Variants in ROBO2 observed in about 807,000 individuals in gnomAD.
The protein encoded by ROBO2 is roundabout guidance receptor 2.
ROBO2 carries 53 observed loss-of-function variants against 160.8 expected under a neutral mutation model. That is an observed-to-expected ratio of 0.33 (90% CI 0.26 to 0.41). The LOEUF is 0.41. ROBO2 is among the 10% of genes least tolerant of loss of function. The pLI is 1.00. For synonymous variants in ROBO2, 664 were observed against 611.7 expected (o/e 1.09, Z -1.26); for missense variants, 1,577 against 1,722.4 (o/e 0.92, Z 1.49).
At chr3:76,688,580 G>A (rs2092732290) in intron 2 of ROBO2, among the ~76,000 whole-genome samples, 1 of 145,142 alleles carries the variant, frequency 6.9e-6, no homozygotes, top group African/African-American at 2.6e-5. Flanking sequence ...TTTTTTTGTA[G>A]ACTAGGGAGA....
At chr3:77,512,501 A>C (rs536115572) in intron 5 of ROBO2, among the ~76,000 whole-genome samples, 23 of 152,108 alleles carry the variant, frequency 1.5e-4, no homozygotes, top group Non-Finnish European at 2.9e-4. Flanking sequence ...TTCTAGATGG[A>C]TGTATCTCCA....
chr3:76,507,672 A>G (rs921035336), intron 2 of ROBO2, among the ~76,000 whole-genome samples: 1 of 152,106 alleles, frequency 6.6e-6, no homozygotes, highest in Non-Finnish European at 1.5e-5. Context: ...CAACAACCCT[A>G]CGAGATAAGT....
intron 1 of ROBO2, among the ~76,000 whole-genome samples, chr3:77,075,069 G>A (rs1441381401): frequency 6.6e-6 from 1 of 152,144 alleles, no homozygotes; most frequent in Non-Finnish European, 1.5e-5. Flanking sequence ...TCAAAAAGGT[G>A]AAGTCACTTT....
chr3:76,526,667 G>A (rs1030917678), intron 2 of ROBO2, among the ~76,000 whole-genome samples: 1 of 151,838 alleles, frequency 6.6e-6, no homozygotes, highest in African/African-American at 2.4e-5. Flanking sequence ...AATGCAGGGT[G>A]GTAAAGATAT....
At chr3:77,011,167 A>G (rs1243561970) in intron 2 of ROBO2, among the ~76,000 whole-genome samples, 4 of 114,400 alleles carry the variant, frequency 3.5e-5, no homozygotes, top group Non-Finnish European at 5.3e-5. Flanking sequence ...CCCTTCCTTC[A>G]TTCCATCCTT....
At position 77,640,573 on chromosome 3, in the gene ROBO2, C is replaced by A. The variant is rs139402884; in HGVS notation, c.3935-4131C>A. Among the ~76,000 whole-genome samples, 56 of 151,900 alleles carry A rather than the reference C, an allele frequency of 3.7e-4. 1 individual carries two copies. In the East Asian group the frequency reaches 9.7e-3, roughly 26 times the overall value. ...GCTGGAGATTTTTAATTACTTTGTG[C>A]CTTCATTTTCTTGTCTAAAAACAGA... On this transcript the variant is annotated intron_variant, in intron 24 of 25. Coordinates refer to ENST00000461745, the Ensembl canonical transcript of ROBO2.
At chr3:76,925,408 C>G (rs1176550891) in intron 2 of ROBO2, among the ~76,000 whole-genome samples, 1 of 152,050 alleles carries the variant, frequency 6.6e-6, no homozygotes, top group Non-Finnish European at 1.5e-5. Context: ...CCAAAATTTA[C>G]ATTTGAACTC....
chr3:77,185,285 A>G (rs781334895), intron 2 of ROBO2, among the ~76,000 whole-genome samples: 1 of 151,954 alleles, frequency 6.6e-6, no homozygotes, highest in Non-Finnish European at 1.5e-5. Flanking sequence ...TCTCTTTGGA[A>G]TGGTTGTTAC....
intron 2 of ROBO2, among the ~76,000 whole-genome samples, chr3:76,576,331 A>G (rs1046701825): frequency 1.3e-5 from 2 of 152,110 alleles, no homozygotes; most frequent in Non-Finnish European, 2.9e-5. Context: ...GACTGACTTT[A>G]TTAAGGTGCC....
At chr3:76,824,162 T>G (rs1274839890) in intron 2 of ROBO2, among the ~76,000 whole-genome samples, 1 of 152,152 alleles carries the variant, frequency 6.6e-6, no homozygotes, top group Non-Finnish European at 1.5e-5. Flanking sequence ...GAGACACACA[T>G]CACCTCTCAA....
chr3:77,320,013 T>A lies in ROBO2; in HGVS notation c.389-157401T>A, dbSNP rs552529169. Among the ~76,000 whole-genome samples, 5 of 152,290 alleles carry A rather than the reference T, an allele frequency of 3.3e-5. No individual in the cohort carries two copies. The East Asian group carries it at 9.6e-4, about 29-fold the overall frequency. ...TATACAACAGCTGAACAATTCGAAA[T>A]TTATCACATGGAATATGAATTCACC... On this transcript the variant is annotated intron_variant, in intron 2 of 25. Coordinates refer to ENST00000461745, the Ensembl canonical transcript of ROBO2.
intron 16 of ROBO2, among the ~76,000 whole-genome samples, chr3:77,581,324 TGAA>T (rs1338322221): frequency 6.6e-6 from 1 of 152,136 alleles, no homozygotes; most frequent in African/African-American, 2.4e-5. Context: ...TACATTTTAA[TGAA>T]GTACAATTTA....
At chr3:76,279,663 C>G (rs1708126243) in intron 2 of ROBO2, among the ~76,000 whole-genome samples, 1 of 151,800 alleles carries the variant, frequency 6.6e-6, no homozygotes, top group African/African-American at 2.4e-5. Context: ...CCCTAATGTC[C>G]TTTAACATTC....
Position 77,564,987 on chromosome 3 carries a change from A to G in ROBO2, c.1716A>G (p.Ala572=), listed in dbSNP as rs752819246. The change falls in exon 12 of 26, where the codon GCA becomes GCG. Residue 572 remains alanine, a synonymous_variant. Transcript: ENST00000461745. Reference sequence around the variant, plus strand: ...TGAGCAACAGCTGGCAGACCGTGGCAAACCATGTAAAGACCACCCTCTATA... The same window carrying G: ...TGAGCAACAGCTGGCAGACCGTGGCGAACCATGTAAAGACCACCCTCTATA... The G allele has an allele frequency of 7.4e-6, 12 of 1,613,582 alleles. No individual in the cohort carries two copies. The Middle Eastern group carries it at 5.0e-4, about 67-fold the overall frequency.
At chr3:76,104,832 T>A (rs1348778087) in intron 2 of ROBO2, among the ~76,000 whole-genome samples, 1 of 152,206 alleles carries the variant, frequency 6.6e-6, no homozygotes, top group Non-Finnish European at 1.5e-5. Flanking sequence ...TAATAAGGAA[T>A]GACACTTGAA....
intron 2 of ROBO2, among the ~76,000 whole-genome samples, chr3:77,190,412 A>G (rs1397053855): frequency 1.3e-5 from 2 of 151,980 alleles, no homozygotes; most frequent in East Asian, 3.9e-4. Flanking sequence ...CTCAAAATAA[A>G]CGATATTGTC....
chr3:76,807,851 G>A (rs946600851), intron 2 of ROBO2, among the ~76,000 whole-genome samples: 1 of 151,844 alleles, frequency 6.6e-6, no homozygotes, highest in Non-Finnish European at 1.5e-5. Context: ...TTATGATGAG[G>A]TTCTCATCAC....
At chr3:76,455,703 T>C (rs928457093) in intron 2 of ROBO2, among the ~76,000 whole-genome samples, 6 of 152,150 alleles carry the variant, frequency 3.9e-5, no homozygotes, top group Non-Finnish European at 8.8e-5. Context: ...CTACTTTTCA[T>C]GCACATTCCT....
At chr3:76,555,972 T>G (rs2083766002) in intron 2 of ROBO2, among the ~76,000 whole-genome samples, 1 of 152,074 alleles carries the variant, frequency 6.6e-6, no homozygotes, top group Admixed American at 6.6e-5. Flanking sequence ...GCATCTGTAA[T>G]CTGAGCTACT....
Sources: gnomAD v4.1 joint callset for allele counts (sites outside exome capture counted in the v4.1 genomes callset) on GRCh38, gnomAD v4.1.1 for gene constraint, MANE v1.5 for transcripts, NCBI Gene and HGNC (gene_info 2026-07-23, HGNC 2026-07-21) for gene names.